The following CHIC2 variants were observed in gnomAD, a reference collection of about 807,000 sequenced individuals.
The protein encoded by CHIC2 is cysteine-rich hydrophobic domain-containing protein 2.
CHIC2 carries 14 observed loss-of-function variants against 25.9 expected under a neutral mutation model. The observed-to-expected ratio is 0.54, with a 90% CI of 0.36 to 0.85. The LOEUF is 0.85. Among genes scored for constraint, CHIC2 ranks in the 40% least tolerant of loss-of-function variants. CHIC2 has a pLI of 0.01. For synonymous variants in CHIC2, 70 were observed against 72.0 expected, an observed-to-expected ratio of 0.97 and a Z score of 0.14; for missense variants, 146 against 202.0, an observed-to-expected ratio of 0.72 and a Z score of 1.68.
chr4:54,065,544 G>A (rs1178317691), upstream of CHIC2, among the ~76,000 whole-genome samples: 2 of 152,198 alleles, frequency 1.3e-5, no homozygotes, highest in East Asian at 1.9e-4. Flanking sequence ...GAAAGAAGGG[G>A]AGGAAGGAAG....
intron 3 of CHIC2, among the ~76,000 whole-genome samples, chr4:54,046,572 G>C (rs960373382): frequency 1.3e-5 from 2 of 152,116 alleles, no homozygotes; most frequent in African/African-American, 4.8e-5. Context: ...TTAATAAAGG[G>C]TGCTGGGAAA....
chr4:54,017,520 C>T (rs1577962806), intron 3 of CHIC2, among the ~76,000 whole-genome samples: 1 of 152,214 alleles, frequency 6.6e-6, no homozygotes. Context: ...AGCTTCCCTA[C>T]AGTGGGCCTT....
chr4:54,086,042 A>G, the CHIC2 span, among the ~76,000 whole-genome samples: 1 of 152,114 alleles, frequency 6.6e-6, no homozygotes, highest in Admixed American at 6.6e-5. Context: ...TCCTGTATAC[A>G]GGTAAAATAG....
At chr4:54,071,354 A>G in the CHIC2 span, among the ~76,000 whole-genome samples, 1 of 152,254 alleles carries the variant, frequency 6.6e-6, no homozygotes, top group Non-Finnish European at 1.5e-5. Context: ...CACATATAGT[A>G]TTCCAAGCAC....
At chr4:54,087,115 C>A in the CHIC2 span, 1 of 890,986 alleles carries the variant, frequency 1.1e-6, no homozygotes, top group African/African-American at 1.6e-5. Flanking sequence ...CTGCAGAGAA[C>A]TTCTTAGCTT....
chr4:54,052,959 T>C (rs1172194340), intron 1 of CHIC2, among the ~76,000 whole-genome samples: 1 of 151,382 alleles, frequency 6.6e-6, no homozygotes, highest in Non-Finnish European at 1.5e-5. Flanking sequence ...TACAACATTT[T>C]AGGAATGGTT....
chr4:54,041,426 G>C (rs1181449006), intron 3 of CHIC2, among the ~76,000 whole-genome samples: 3 of 152,050 alleles, frequency 2.0e-5, no homozygotes, highest in Non-Finnish European at 4.4e-5. Context: ...GAAAGTGAGT[G>C]AAATGAAAAT....
intron 3 of CHIC2, among the ~76,000 whole-genome samples, chr4:54,026,084 G>A (rs959416222): frequency 1.3e-5 from 2 of 152,120 alleles, no homozygotes; most frequent in South Asian, 4.2e-4. Flanking sequence ...TTTTACATAT[G>A]AAAACTAAAG....
chr4:54,078,623 A>T, the CHIC2 span, among the ~76,000 whole-genome samples: 1 of 151,858 alleles, frequency 6.6e-6, no homozygotes, highest in South Asian at 2.1e-4. Flanking sequence ...TCAAGCGATT[A>T]TCTGGCCTCA....
rs1057213437 is a variant in CHIC2, at chr4:54,020,892, G to A, written c.331-6773C>T. 1.3e-5 allele frequency among the ~76,000 whole-genome samples: 2 copies of A among 152,084 alleles called. 1 individual carries two copies. The highest frequency in any genetic ancestry group is 2.9e-5 in the Non-Finnish European group (2 of 68,014). On this transcript the variant is annotated intron_variant, in intron 3 of 5. Transcript: ENST00000263921. ...ATTCACTGGTGTCTGATCACTGCAGGGACGCCTGCCTTGGTCATTCACCCA... is the reference window on the plus strand; with the variant it reads ...ATTCACTGGTGTCTGATCACTGCAGAGACGCCTGCCTTGGTCATTCACCCA...
chr4:54,079,367 T>C, the CHIC2 span, among the ~76,000 whole-genome samples: 60 of 152,234 alleles, frequency 3.9e-4, no homozygotes, highest in African/African-American at 1.4e-3. Flanking sequence ...TGATTTTTTT[T>C]GGATGTGATA....
chr4:54,015,457 T>C (rs978268742), intron 3 of CHIC2, among the ~76,000 whole-genome samples: 1 of 152,106 alleles, frequency 6.6e-6, no homozygotes, highest in Non-Finnish European at 1.5e-5. Flanking sequence ...AGGGCAGCAG[T>C]TATGGTCACA....
rs34455625 is a variant in CHIC2 at position 54,031,178 on chromosome 4, G to GAA, written c.331-17061_331-17060dup. ...TCCTTTGCTCAGATTAAAAGGAAAG[G>GAA]AAAAAAAAAAAACCTAACGCTGAGA... On this transcript the variant is annotated intron_variant, in intron 3 of 5. Coordinates refer to ENST00000263921, the MANE Select transcript of CHIC2 (RefSeq NM_012110.4). Among the ~76,000 whole-genome samples the GAA allele has an allele frequency of 8.7e-3, 1,255 of 145,032 alleles. 11 individuals carry two copies. The highest frequency in any genetic ancestry group is 0.014 in the Non-Finnish European group (907 of 65,904).
At chr4:54,077,398 A>G in the CHIC2 span, among the ~76,000 whole-genome samples, 3 of 152,182 alleles carry the variant, frequency 2.0e-5, no homozygotes, top group Non-Finnish European at 4.4e-5. Flanking sequence ...TCTCCTTGCC[A>G]TTCTGAGCAG....
At chr4:54,018,599 C>G in intron 3 of CHIC2, among the ~76,000 whole-genome samples, 1 of 151,698 alleles carries the variant, frequency 6.6e-6, no homozygotes, top group Middle Eastern at 3.2e-3. Context: ...ACTAATAAAA[C>G]CAATGGAAAT....
chr4:54,010,888 G>A (rs757426435), intron 5 of CHIC2, among the ~76,000 whole-genome samples: 7 of 151,978 alleles, frequency 4.6e-5, no homozygotes, highest in Non-Finnish European at 1.0e-4. Context: ...TTCTTCTTAG[G>A]TTAGCAAAAT....
chr4:54,089,408 T>TAGTGATATCAC, the CHIC2 span, among the ~76,000 whole-genome samples: 1 of 151,422 alleles, frequency 6.6e-6, no homozygotes, highest in South Asian at 2.1e-4. Context: ...TATATATATA[T>TAGTGATATCAC]ATATATACAC....
the CHIC2 span, among the ~76,000 whole-genome samples, chr4:54,084,892 G>A: frequency 4.1e-4 from 59 of 145,374 alleles, no homozygotes; most frequent in African/African-American, 1.0e-3. Context: ...CTCAGGAGGC[G>A]AAGGTTGCAA....
intron 1 of CHIC2, among the ~76,000 whole-genome samples, chr4:54,057,122 TAGAC>T (rs1266611799): frequency 3.3e-5 from 5 of 152,174 alleles, no homozygotes; most frequent in African/African-American, 1.2e-4. Flanking sequence ...ACTGAGGAAT[TAGAC>T]AGCAAAAGTG....
Sources: gnomAD v4.1 joint callset for allele counts (sites outside exome capture counted in the v4.1 genomes callset) on GRCh38, gnomAD v4.1.1 for gene constraint, MANE v1.5 for transcripts, NCBI Gene and HGNC (gene_info 2026-07-23, HGNC 2026-07-21) for gene names.